Variants in PLXNA4 observed in about 807,000 individuals in gnomAD.
PLXNA4 encodes plexin-A4.
Under a neutral mutation model 191.8 loss-of-function variants are expected in PLXNA4, and 44 were observed. The ratio of observed to expected loss-of-function variants is 0.23; its 90% CI spans 0.18 to 0.29. The LOEUF is 0.29. Among genes scored for constraint, PLXNA4 ranks in the 10% least tolerant of loss-of-function variants. The probability of loss-of-function intolerance (pLI) is 1.00; values close to 1 mark genes in which losing one functional copy is unlikely to be tolerated. For synonymous variants in PLXNA4, 1,082 were observed against 1,009.5 expected, an observed-to-expected ratio of 1.07 and a Z score of -1.36; for missense variants, 1,800 against 2,488.8, an observed-to-expected ratio of 0.72 and a Z score of 5.89.
At chr7:132,479,531 C>T (rs1040793053) in intron 3 of PLXNA4, among the ~76,000 whole-genome samples, 5 of 152,210 alleles carry the variant, frequency 3.3e-5, no homozygotes, top group East Asian at 1.9e-4. Context: ...GCCTTCCACC[C>T]GCACCTTAGT....
intron 2 of PLXNA4, among the ~76,000 whole-genome samples, chr7:132,622,775 A>G (rs1432742921): frequency 6.6e-6 from 1 of 152,182 alleles, no homozygotes; most frequent in Non-Finnish European, 1.5e-5. Flanking sequence ...GAGGTCAACG[A>G]CTATTTAAAA....
In PLXNA4 at chr7:132,259,370, A is replaced by G. The variant is rs113347467; in HGVS notation, c.1504-18204T>C. ...ATAATCACTTGAACCCAGGAGACAG[A>G]GGTTGCAGTGAGCCAAGATGGTGTC... On this transcript the variant is annotated intron_variant, in intron 4 of 31. Transcript: ENST00000321063. 5.4e-3 allele frequency among the ~76,000 whole-genome samples: 718 copies of G among 132,340 alleles called. 5 individuals are homozygous for G. The highest frequency in any genetic ancestry group is 0.019 in the African/African-American group (680 of 36,042). The allele number at this position is 132,340 out of a possible 152,430, so 86.8% of individuals were successfully genotyped here.
At chr7:132,348,155 C>T (rs1803324607) in intron 3 of PLXNA4, among the ~76,000 whole-genome samples, 1 of 152,216 alleles carries the variant, frequency 6.6e-6, no homozygotes, top group African/African-American at 2.4e-5. Context: ...TGAAGCTGAA[C>T]TGCCTGGGTT....
At chr7:132,233,891 GTAAATGTT>G (rs1798605561) in intron 5 of PLXNA4, among the ~76,000 whole-genome samples, 1 of 150,530 alleles carries the variant, frequency 6.6e-6, no homozygotes, top group South Asian at 2.2e-4. Context: ...AAAAGGACCT[GTAAATGTT>G]CGTTTTTTTC....
chr7:132,610,839 C>T (rs1803030803), intron 2 of PLXNA4, among the ~76,000 whole-genome samples: 1 of 152,234 alleles, frequency 6.6e-6, no homozygotes, highest in South Asian at 2.1e-4. Context: ...AGGATTCCAC[C>T]TTGAGTGCCA....
At chr7:132,472,573 A>T (rs1796969678) in intron 3 of PLXNA4, among the ~76,000 whole-genome samples, 2 of 152,244 alleles carry the variant, frequency 1.3e-5, no homozygotes, top group African/African-American at 4.8e-5. Context: ...ACACACCCCC[A>T]GCCGACCGCC....
chr7:132,634,184 G>A (rs1399613808), intron 2 of PLXNA4, among the ~76,000 whole-genome samples: 2 of 152,090 alleles, frequency 1.3e-5, no homozygotes, highest in African/African-American at 2.4e-5. Context: ...GGGCATCAAG[G>A]CCCTTTATTT....
chr7:132,385,250 G>A (rs756047445), intron 3 of PLXNA4: 11 of 1,613,912 alleles, frequency 6.8e-6, no homozygotes, highest in Non-Finnish European at 8.5e-6. Flanking sequence ...TGGGATCGGG[G>A]TCCCGTCTGT....
chr7:132,267,230 T>G (rs1030253088), intron 4 of PLXNA4, among the ~76,000 whole-genome samples: 1 of 152,226 alleles, frequency 6.6e-6, no homozygotes, highest in African/African-American at 2.4e-5. Flanking sequence ...GGAGTTGTTA[T>G]GTGAGTGTTT....
At chr7:132,582,324 C>T (rs777142942) in intron 2 of PLXNA4, among the ~76,000 whole-genome samples, 1 of 152,154 alleles carries the variant, frequency 6.6e-6, no homozygotes, top group Admixed American at 6.5e-5. Context: ...TGCCTGGTAA[C>T]ACATTTACAA....
chr7:132,167,379 C>T (rs1584786223), intron 22 of PLXNA4, among the ~76,000 whole-genome samples: 1 of 152,296 alleles, frequency 6.6e-6, no homozygotes, highest in South Asian at 2.1e-4. Context: ...CGAGGAAACA[C>T]TTGCTGGGCT....
At position 132,508,883 on chromosome 7, in the gene PLXNA4, A is replaced by G; in HGVS notation, c.-86-104T>C. On this transcript the variant is annotated intron_variant, in intron 1 of 31. Coordinates refer to ENST00000321063, the MANE Select transcript of PLXNA4 (RefSeq NM_020911.2). This position sits in a 1 kb window ranked among gnomAD's most constrained non-coding sequence, Gnocchi z 4.4. Reference sequence around the variant, plus strand: ...TCAAAATGTTCTGCACACACTGAGCAGAACTGCACTGGGGGGTGCTGGAGG... The same window carrying G: ...TCAAAATGTTCTGCACACACTGAGCGGAACTGCACTGGGGGGTGCTGGAGG... 4.3e-6 allele frequency: 5 copies of G among 1,171,874 alleles called. No individual in the cohort carries two copies. Among genetic ancestry groups the G allele is most frequent in the Non-Finnish European group, 5.7e-6 (5 of 869,884 alleles). 72.6% of individuals were successfully genotyped at this position (1,171,874 alleles called of 1,614,324 possible).
intron 3 of PLXNA4, 98 bp from the exon 4 acceptor site, chr7:132,298,320 C>A: frequency 6.8e-7 from 1 of 1,462,826 alleles, no homozygotes; most frequent in Non-Finnish European, 9.2e-7. Context: ...AGGGAGAGGG[C>A]ATGAGTTCTG....
At chr7:132,252,299 G>GT (rs71178032) in intron 4 of PLXNA4, among the ~76,000 whole-genome samples, 1,012 of 75,336 alleles carry the variant, frequency 0.013, 120 homozygotes, top group African/African-American at 0.026. Flanking sequence ...CATTCTAAAA[G>GT]TTTTTTTTTT....
intron 3 of PLXNA4, chr7:132,384,861 G>A: frequency 1.7e-6 from 2 of 1,176,790 alleles, no homozygotes; most frequent in Non-Finnish European, 2.1e-6. Context: ...TCAGGCCCAA[G>A]AGATAACTAT....
intron 3 of PLXNA4, among the ~76,000 whole-genome samples, chr7:132,474,203 A>ATC (rs1219634770): frequency 1.5e-5 from 2 of 131,676 alleles, no homozygotes; most frequent in Non-Finnish European, 3.1e-5. Flanking sequence ...CCAAGATCAG[A>ATC]TCTCTCTGTC....
chr7:132,507,463 T>A, intron 2 of PLXNA4, 43 bp downstream of exon 2: 1 of 1,557,512 alleles, frequency 6.4e-7, no homozygotes, highest in Non-Finnish European at 8.7e-7. Context: ...GTTCTCATCC[T>A]ACACTCCCAA....
rs1476587693 is a variant in PLXNA4, at chr7:132,226,255, G to T, written c.1888C>A (p.His630Asn). Reference sequence around the variant, plus strand: ...TTGAGCTGAAGCTGTACGACATGGTGGTCCCCTACAAGGAGAGATGGCTGA... The same window carrying T: ...TTGAGCTGAAGCTGTACGACATGGTTGTCCCCTACAAGGAGAGATGGCTGA... ...VPRIITENGD[H>N]HVVQLQLKSK... The change falls in exon 8 of 32, where the codon CAC becomes AAC. Residue 630 changes from histidine to asparagine, a missense_variant. This residue lies in a region of PLXNA4 where 1,397 missense variants were observed against 1,880.4 expected (regional missense o/e 0.74). Transcript: ENST00000321063. 2 of 1,613,036 alleles carry T rather than the reference G, an allele frequency of 1.2e-6. No homozygotes were observed. Among genetic ancestry groups the T allele is most frequent in the Non-Finnish European group, 8.5e-7 (1 of 1,179,602 alleles).
intron 9 of PLXNA4, among the ~76,000 whole-genome samples, chr7:132,219,656 G>A (rs1798079341): frequency 6.6e-6 from 1 of 151,528 alleles, no homozygotes; most frequent in African/African-American, 2.4e-5. Flanking sequence ...TAATTGGGTA[G>A]TTTTTTTTTA....
Sources: allele counts gnomAD v4.1 joint callset (sites outside exome capture counted in the v4.1 genomes callset), GRCh38; gene constraint gnomAD v4.1.1; regional missense constraint gnomAD v4.1.1; non-coding constraint Gnocchi (gnomAD v3.1); transcripts MANE v1.5; gene names NCBI Gene and HGNC (gene_info 2026-07-23, HGNC 2026-07-21).